TNRC6A: variants seen among roughly 807,000 people sequenced by gnomAD.
The protein encoded by TNRC6A is trinucleotide repeat containing adaptor 6A, also known as trinucleotide repeat-containing gene 6A protein.
In TNRC6A, 44 loss-of-function variants were observed where a neutral mutation model predicts 221.2. The observed-to-expected ratio is 0.20, with a 90% CI of 0.16 to 0.26. The LOEUF is 0.26. Among genes scored for constraint, TNRC6A ranks in the 10% least tolerant of loss-of-function variants. The pLI, the probability that TNRC6A is intolerant of heterozygous loss-of-function variation, is 1.00. For missense variants in TNRC6A, 2,199 were observed against 2,404.4 expected (o/e 0.91, Z 1.79); for synonymous variants, 847 against 838.5 (o/e 1.01, Z -0.18).
chr16:24,798,358 A>G (rs553777017), intron 11 of TNRC6A, among the ~76,000 whole-genome samples: 2 of 152,344 alleles, frequency 1.3e-5, no homozygotes, highest in South Asian at 2.1e-4. Context: ...TGGTGGTGGT[A>G]GTGAAAGATC....
chr16:24,660,802 A>C (rs1424320680), intron 2 of TNRC6A, among the ~76,000 whole-genome samples: 5 of 118,518 alleles, frequency 4.2e-5, no homozygotes, highest in Admixed American at 1.3e-4. Context: ...AGTGTAGTGG[A>C]GCGATCTCGG....
intron 2 of TNRC6A, chr16:24,664,732 ACT>A: frequency 5.5e-6 from 1 of 182,710 alleles, no homozygotes; most frequent in East Asian, 1.2e-4. Flanking sequence ...AGATCAGAAG[ACT>A]CTTGTGTATA....
chr16:24,822,279 C>A, intron 23 of TNRC6A, 132 bp downstream of exon 23: 2 of 817,626 alleles, frequency 2.4e-6, no homozygotes, highest in South Asian at 1.7e-5. Context: ...GAGGAGTGGT[C>A]TGTAGACCTC....
chr16:24,702,104 TTTC>T (rs769090001), intron 2 of TNRC6A, among the ~76,000 whole-genome samples: 8,045 of 53,356 alleles, frequency 0.15, 608 homozygotes, highest in East Asian at 0.56. Flanking sequence ...TCTTTTCTTT[TTTC>T]TTTTTTTTTT....
At chr16:24,746,995 T>C (rs2057025933) in intron 2 of TNRC6A, among the ~76,000 whole-genome samples, 1 of 152,156 alleles carries the variant, frequency 6.6e-6, no homozygotes, top group African/African-American at 2.4e-5. Context: ...AGAAACGCAT[T>C]CTTGAACGGT....
chr16:24,758,427 G>T, intron 4 of TNRC6A, 67 bp downstream of exon 4: 1 of 1,520,740 alleles, frequency 6.6e-7, no homozygotes, highest in South Asian at 1.1e-5. Flanking sequence ...GTGCATTTTT[G>T]TTCACCTCAA....
intron 4 of TNRC6A, among the ~76,000 whole-genome samples, chr16:24,762,000 G>A (rs2057374200): frequency 6.6e-6 from 1 of 152,032 alleles, no homozygotes; most frequent in Non-Finnish European, 1.5e-5. Flanking sequence ...CCTTTTTTGA[G>A]TGATTTCATG....
chr16:24,653,456 G>A (rs1312379432), intron 2 of TNRC6A, among the ~76,000 whole-genome samples: 2 of 152,150 alleles, frequency 1.3e-5, no homozygotes, highest in South Asian at 4.1e-4. Flanking sequence ...AAAGGAAATA[G>A]AAGAGTAATA....
At chr16:24,727,309 AT>A (rs1281503043), upstream of TNRC6A, among the ~76,000 whole-genome samples, 21 of 152,244 alleles carry the variant, frequency 1.4e-4, no homozygotes, top group Admixed American at 5.2e-4. Context: ...GATTACAGGC[AT>A]GAGCCACCGC....
chr16:24,703,123 C>A (rs1334212836), intron 2 of TNRC6A, among the ~76,000 whole-genome samples: 1 of 152,036 alleles, frequency 6.6e-6, no homozygotes, highest in East Asian at 1.9e-4. Context: ...AGTTGTGCAA[C>A]CATCACCACA....
At chr16:24,741,107 T>G (rs924795517) in intron 2 of TNRC6A, among the ~76,000 whole-genome samples, 6 of 152,208 alleles carry the variant, frequency 3.9e-5, no homozygotes, top group Non-Finnish European at 7.3e-5. Flanking sequence ...AGAGACAGTT[T>G]TACATCTTCT....
chr16:24,698,929 C>T (rs1441526263), intron 2 of TNRC6A, among the ~76,000 whole-genome samples: 1 of 152,054 alleles, frequency 6.6e-6, no homozygotes, highest in African/African-American at 2.4e-5. Flanking sequence ...AGGCTGGTCT[C>T]GAACTCCCAA....
chr16:24,805,189 A>T, intron 14 of TNRC6A, 38 bp downstream of exon 14: 1 of 1,606,716 alleles, frequency 6.2e-7, no homozygotes. Flanking sequence ...GTTTACCTGC[A>T]AAAAGGATCT....
At chr16:24,627,238 T>C (rs1178605298) in intron 1 of TNRC6A, among the ~76,000 whole-genome samples, 1 of 152,070 alleles carries the variant, frequency 6.6e-6, no homozygotes. Flanking sequence ...GGTGACAGCC[T>C]CTCCTTCTCC....
At chr16:24,676,277 T>C (rs1221439818) in intron 2 of TNRC6A, among the ~76,000 whole-genome samples, 1 of 152,046 alleles carries the variant, frequency 6.6e-6, no homozygotes, top group African/African-American at 2.4e-5. Flanking sequence ...CTCAATTTCT[T>C]TCATTTTTTA....
intron 2 of TNRC6A, among the ~76,000 whole-genome samples, chr16:24,745,805 C>G (rs865922924): frequency 2.7e-5 from 4 of 149,050 alleles, no homozygotes; most frequent in Middle Eastern, 3.2e-3. Flanking sequence ...TCCCCCCCCC[C>G]CCCAGCTAAT....
chr16:24,779,503 A>G (rs569807786), intron 5 of TNRC6A, among the ~76,000 whole-genome samples: 2 of 152,342 alleles, frequency 1.3e-5, no homozygotes, highest in Admixed American at 6.5e-5. Flanking sequence ...CAGGAGAGTC[A>G]GTGAAGGCCT....
At position 24,789,291 on chromosome 16, in the gene TNRC6A, TCTA is replaced by T. The variant is rs752029696; in HGVS notation, c.651_653del (p.Thr218del). 31 of 1,613,964 alleles carry T rather than the reference TCTA, an allele frequency of 1.9e-5. No homozygotes were observed. The East Asian group carries it at 6.7e-4, about 35-fold the overall frequency. On this transcript the variant is annotated inframe_deletion, in exon 6 of 25. Transcript: ENST00000395799. Reference sequence around the variant, plus strand: ...AAATTCCCAGCGGGGACCTGTGTCTTCTACAAGTGATTCTAGCACAAACTGTAA... The same window carrying T: ...AAATTCCCAGCGGGGACCTGTGTCTTCAAGTGATTCTAGCACAAACTGTAA...
chr16:24,617,954 G>T (rs1424919546), intron 1 of TNRC6A, among the ~76,000 whole-genome samples: 1 of 152,190 alleles, frequency 6.6e-6, no homozygotes, highest in Non-Finnish European at 1.5e-5. Context: ...AGGCTGGAAT[G>T]CAGTGGCATG....
Sources: gnomAD v4.1 joint callset for allele counts (sites outside exome capture counted in the v4.1 genomes callset) on GRCh38, gnomAD v4.1.1 for gene constraint, MANE v1.5 for transcripts, NCBI Gene and HGNC (gene_info 2026-07-23, HGNC 2026-07-21) for gene names.